MCU: variants seen among roughly 807,000 people sequenced by gnomAD.
MCU encodes the protein mitochondrial calcium uniporter.
Under a neutral mutation model 45.2 loss-of-function variants are expected in MCU, and 12 were observed. The ratio of observed to expected loss-of-function variants is 0.27; its 90% CI spans 0.17 to 0.43. MCU has a LOEUF of 0.43. MCU is among the 20% of genes least tolerant of loss of function. MCU has a pLI of 1.00. For missense variants in MCU, 324 were observed against 436.7 expected (o/e 0.74, Z 2.30); for synonymous variants, 160 against 165.1 (o/e 0.97, Z 0.24).
chr10:72,841,675 C>T (rs996692759), intron 2 of MCU, among the ~76,000 whole-genome samples: 5 of 152,170 alleles, frequency 3.3e-5, no homozygotes, highest in South Asian at 2.1e-4. Context: ...GCAATGTGCA[C>T]GCTTATACTG....
At chr10:72,722,526 T>C (rs1286652856) in intron 1 of MCU, among the ~76,000 whole-genome samples, 2 of 151,542 alleles carry the variant, frequency 1.3e-5, no homozygotes, top group Admixed American at 6.6e-5. Context: ...TCTTTCTTTT[T>C]TTTTTTTTAA....
At chr10:72,744,233 T>A (rs1272412829) in intron 1 of MCU, among the ~76,000 whole-genome samples, 3 of 143,932 alleles carry the variant, frequency 2.1e-5, no homozygotes, top group Non-Finnish European at 4.6e-5. Flanking sequence ...CAAAGATGCT[T>A]TTTTTTTTTT....
chr10:72,805,149 T>C, intron 1 of MCU, among the ~76,000 whole-genome samples: 1 of 139,448 alleles, frequency 7.2e-6, no homozygotes, highest in African/African-American at 3.1e-5. Flanking sequence ...CTTTCTTTCT[T>C]TCTTTCTTTC....
intron 1 of MCU, among the ~76,000 whole-genome samples, chr10:72,815,178 A>G (rs1844606575): frequency 6.6e-6 from 1 of 152,268 alleles, no homozygotes; most frequent in Non-Finnish European, 1.5e-5. Context: ...TGTTACAGGC[A>G]TTCAGCTCTG....
At position 72,870,573 on chromosome 10, in the gene MCU, C is replaced by T. The variant is rs147196142; in HGVS notation, c.658-804C>T. On this transcript the variant is annotated intron_variant, in intron 5 of 7. Coordinates refer to ENST00000373053, the MANE Select transcript of MCU (RefSeq NM_138357.3). ...CTGGGATTACAGGCGTGAGCCACCG[C>T]GCCCAGCTTTACCTATATTTTCTTA... Among the ~76,000 whole-genome samples, 35 of 152,324 alleles carry T rather than the reference C, an allele frequency of 2.3e-4. No homozygotes were observed. The East Asian group carries it at 4.6e-3, about 20-fold the overall frequency.
At chr10:72,693,063 T>C (rs1842644548) in intron 1 of MCU, 2 of 1,535,914 alleles carry the variant, frequency 1.3e-6, no homozygotes, top group African/African-American at 1.4e-5. Flanking sequence ...GAGAAGCGAA[T>C]ATGGTAAGTT....
At chr10:72,864,394 C>A (rs1012217142) in intron 4 of MCU, among the ~76,000 whole-genome samples, 2 of 152,178 alleles carry the variant, frequency 1.3e-5, no homozygotes, top group Admixed American at 6.5e-5. Flanking sequence ...AGTTGGATTG[C>A]TTGATACGTA....
chr10:72,829,114 A>T lies in MCU; in HGVS notation c.151-5245A>T, dbSNP rs181917708. Among the ~76,000 whole-genome samples the T allele has an allele frequency of 8.5e-5, 13 of 152,282 alleles. No individual in the cohort carries two copies. The East Asian group carries it at 2.5e-3, about 29-fold the overall frequency. On this transcript the variant is annotated intron_variant, in intron 1 of 7. Transcript: ENST00000373053. ...GGTGTGCAGATCACTTGAGTTCAGG[A>T]GTTCGAGACCAGCCAGGCCAACATG...
At chr10:72,752,725 T>A (rs1047015715) in intron 1 of MCU, among the ~76,000 whole-genome samples, 1 of 152,198 alleles carries the variant, frequency 6.6e-6, no homozygotes, top group Non-Finnish European at 1.5e-5. Flanking sequence ...TCCTCTCATT[T>A]GTAGGCCTGT....
chr10:72,782,887 CAGA>C (rs918771044), intron 1 of MCU, among the ~76,000 whole-genome samples: 6 of 152,146 alleles, frequency 3.9e-5, no homozygotes, highest in Admixed American at 1.3e-4. Flanking sequence ...CAACATCCTG[CAGA>C]AGGAGTTTAG....
Position 72,780,511 on chromosome 10 carries a change from AGTGTGTGTGTGTGT to A in MCU, c.151-53821_151-53808del, listed in dbSNP as rs60306247. On this transcript the variant is annotated intron_variant, in intron 1 of 7. Coordinates refer to ENST00000373053, the MANE Select transcript of MCU (RefSeq NM_138357.3). Reference sequence around the variant, plus strand: ...AATGTTCTGAAGTATTCTTTGGCTAAGTGTGTGTGTGTGTGTGTGTGTGTGTGTGTGTGTGTGTG... The same window carrying A: ...AATGTTCTGAAGTATTCTTTGGCTAAGTGTGTGTGTGTGTGTGTGTGTGTG... 5.8e-3 allele frequency among the ~76,000 whole-genome samples: 644 copies of A among 110,654 alleles called. 1 individual carries two copies. The highest frequency in any genetic ancestry group is 0.015 in the African/African-American group (466 of 31,234). 72.6% of individuals were successfully genotyped at this position (110,654 alleles called of 152,430 possible). A position where few individuals can be genotyped will look rare whatever the true frequency, so the allele number is the denominator to read the frequency against.
intron 1 of MCU, among the ~76,000 whole-genome samples, chr10:72,716,757 G>A (rs1842959899): frequency 2.6e-5 from 4 of 151,704 alleles, no homozygotes; most frequent in Admixed American, 1.3e-4. Context: ...CTGTAGTTAT[G>A]GCTACTCGGG....
chr10:72,851,689 G>A (rs1426701069), intron 2 of MCU, among the ~76,000 whole-genome samples: 3 of 152,140 alleles, frequency 2.0e-5, no homozygotes, highest in African/African-American at 4.8e-5. Context: ...GAGTGGGTGT[G>A]GGGAAGTTGC....
chr10:72,776,831 C>T (rs927852579), intron 1 of MCU, among the ~76,000 whole-genome samples: 1 of 152,094 alleles, frequency 6.6e-6, no homozygotes, highest in African/African-American at 2.4e-5. Flanking sequence ...AAAGACTCCA[C>T]AAAAAATTGT....
rs1377950491 is a variant in MCU, at chr10:72,871,613, A to AT, written c.861+34dup. 3.8e-6 allele frequency: 6 copies of AT among 1,560,082 alleles called. No individual in the cohort carries two copies. In the African/African-American group the frequency reaches 5.4e-5, roughly 14 times the overall value. The stretch of plus-strand genomic sequence containing the variant: ...TTCTCTTCAAGTAACTTTTTATGAG[A>AT]TAGTAATAAAGTTTTGATTGTCAAA... On this transcript the variant is annotated intron_variant, in intron 6 of 7. Coordinates refer to ENST00000373053, the MANE Select transcript of MCU (RefSeq NM_138357.3).
At position 72,762,342 on chromosome 10, in the gene MCU, A is replaced by G. The variant is rs150078635; in HGVS notation, c.150+70041A>G. Among the ~76,000 whole-genome samples, 904 of 152,264 alleles carry G rather than the reference A, an allele frequency of 5.9e-3. 12 individuals carry two copies. Among genetic ancestry groups the G allele is most frequent in the African/African-American group, 0.02 (852 of 41,562 alleles). On this transcript the variant is annotated intron_variant, in intron 1 of 7. Transcript: ENST00000373053. ...GAAACTATTCCAAAAGACTGAGAAA[A>G]AGGGAATCCTCCCTAAATCATTCCT...
chr10:72,813,602 G>C (rs1330720179), intron 1 of MCU, among the ~76,000 whole-genome samples: 1 of 151,798 alleles, frequency 6.6e-6, no homozygotes, highest in Non-Finnish European at 1.5e-5. Context: ...GGGATCACAG[G>C]CATGCACCAC....
chr10:72,791,320 C>G (rs1844156720), intron 1 of MCU, among the ~76,000 whole-genome samples: 1 of 152,184 alleles, frequency 6.6e-6, no homozygotes, highest in Non-Finnish European at 1.5e-5. Flanking sequence ...GCAGAATGGA[C>G]TGAATTTTAA....
At chr10:72,884,200 A>T in intron 6 of MCU, 66 bp from the exon 7 acceptor site, 1 of 929,844 alleles carries the variant, frequency 1.1e-6, no homozygotes, top group Non-Finnish European at 1.8e-6. Context: ...TCTAAGCAGC[A>T]GTTAGTAAAT....
Sources: allele counts gnomAD v4.1 joint callset (sites outside exome capture counted in the v4.1 genomes callset), GRCh38; gene constraint gnomAD v4.1.1; transcripts MANE v1.5; gene names NCBI Gene and HGNC (gene_info 2026-07-23, HGNC 2026-07-21).